CDH9: variants seen among roughly 807,000 people sequenced by gnomAD.
The protein encoded by CDH9 is cadherin-9.
In CDH9, 28 loss-of-function variants were observed where a neutral mutation model predicts 70.9. That is an observed-to-expected ratio of 0.40 (90% CI 0.29 to 0.54). The LOEUF is 0.54. Among genes scored for constraint, CDH9 ranks in the 20% least tolerant of loss-of-function variants. The probability of loss-of-function intolerance (pLI) is 0.59; values close to 1 mark genes in which losing one functional copy is unlikely to be tolerated. For missense variants in CDH9, 874 were observed against 984.4 expected, an observed-to-expected ratio of 0.89 and a Z score of 1.50; for synonymous variants, 409 against 343.1, an observed-to-expected ratio of 1.19 and a Z score of -2.12.
chr5:26,894,094 T>C (rs1045294992), intron 7 of CDH9, among the ~76,000 whole-genome samples: 3 of 152,154 alleles, frequency 2.0e-5, no homozygotes, highest in Admixed American at 6.6e-5. Context: ...CAAAAGAACA[T>C]AATTACATCT....
chr5:27,023,864 C>T (rs532783339), intron 1 of CDH9, among the ~76,000 whole-genome samples: 1 of 151,852 alleles, frequency 6.6e-6, no homozygotes, highest in Non-Finnish European at 1.5e-5. Context: ...CCAGTCTGGC[C>T]AACATGGTGA....
At chr5:26,937,984 T>C (rs761388870) in intron 2 of CDH9, among the ~76,000 whole-genome samples, 42 of 152,176 alleles carry the variant, frequency 2.8e-4, no homozygotes, top group East Asian at 5.8e-4. Context: ...TGCACTTTAG[T>C]TAATAATAAT....
intron 1 of CDH9, among the ~76,000 whole-genome samples, chr5:27,036,780 G>A (rs965340650): frequency 6.6e-5 from 10 of 151,160 alleles, no homozygotes; most frequent in Admixed American, 6.6e-4. Flanking sequence ...TCAACATGTT[G>A]GCATATATCT....
intron 2 of CDH9, among the ~76,000 whole-genome samples, chr5:26,959,300 T>C (rs903675356): frequency 2.0e-5 from 3 of 152,116 alleles, no homozygotes; most frequent in Admixed American, 6.5e-5. Context: ...CAAAACCAAA[T>C]TGAGATACCA....
intron 2 of CDH9, among the ~76,000 whole-genome samples, chr5:26,969,576 A>T (rs1453242923): frequency 6.6e-6 from 1 of 152,174 alleles, no homozygotes; most frequent in Non-Finnish European, 1.5e-5. Flanking sequence ...AAATAAAATT[A>T]TGTTTTCCTT....
intron 2 of CDH9, among the ~76,000 whole-genome samples, chr5:26,944,008 C>A (rs1322490621): frequency 1.3e-5 from 2 of 152,160 alleles, no homozygotes; most frequent in African/African-American, 2.4e-5. Context: ...TAATTCACAA[C>A]AATTGCATTC....
At chr5:27,007,879 TAA>T (rs1742893829) in intron 1 of CDH9, among the ~76,000 whole-genome samples, 1 of 152,150 alleles carries the variant, frequency 6.6e-6, no homozygotes, top group Non-Finnish European at 1.5e-5. Context: ...AGGAGGACAC[TAA>T]ATTTCAATTA....
intron 2 of CDH9, among the ~76,000 whole-genome samples, chr5:26,955,250 A>C (rs1741926555): frequency 6.6e-6 from 1 of 152,184 alleles, no homozygotes; most frequent in African/African-American, 2.4e-5. Context: ...TAAATGTAGC[A>C]ATCATGAGAA....
intron 1 of CDH9, among the ~76,000 whole-genome samples, chr5:27,016,081 A>G (rs1743041766): frequency 6.6e-6 from 1 of 151,804 alleles, no homozygotes; most frequent in Admixed American, 6.6e-5. Context: ...TAATATGAAT[A>G]ATCACTACTT....
intron 2 of CDH9, among the ~76,000 whole-genome samples, chr5:26,953,896 T>G (rs187832402): frequency 6.6e-6 from 1 of 152,238 alleles, no homozygotes; most frequent in Admixed American, 6.5e-5. Context: ...TTTTTAGAAT[T>G]ACTTGCTTAA....
intron 2 of CDH9, among the ~76,000 whole-genome samples, chr5:26,964,464 C>A (rs10462307): frequency 0.7 from 106,549 of 152,020 alleles, 40,721 homozygotes; most frequent in East Asian, 0.99. Context: ...TGTCGATTGA[C>A]TGGTAGTAGT....
chr5:27,037,712 A>G (rs1479652356), intron 1 of CDH9, among the ~76,000 whole-genome samples: 1 of 151,988 alleles, frequency 6.6e-6, no homozygotes, highest in Non-Finnish European at 1.5e-5. Context: ...TTAAATGCCA[A>G]TTTTGGCTTA....
chr5:26,915,506 A>T (rs919842320), intron 3 of CDH9, 124 bp downstream of exon 3: 2 of 608,688 alleles, frequency 3.3e-6, no homozygotes, highest in Admixed American at 5.6e-5. Context: ...TTTAAGCTAA[A>T]TAGTAGTTAA....
intron 2 of CDH9, among the ~76,000 whole-genome samples, chr5:26,917,614 T>C (rs1266066064): frequency 6.6e-6 from 1 of 152,078 alleles, no homozygotes; most frequent in East Asian, 1.9e-4. Context: ...TACACCTCCT[T>C]TGCAAGCTCA....
At chr5:26,954,027 TA>T (rs1432881944) in intron 2 of CDH9, among the ~76,000 whole-genome samples, 5 of 152,168 alleles carry the variant, frequency 3.3e-5, no homozygotes, top group African/African-American at 1.2e-4. Context: ...TCCAAAAACT[TA>T]CATGAGTTTG....
At chr5:27,025,154 T>C (rs1356326404) in intron 1 of CDH9, among the ~76,000 whole-genome samples, 2 of 147,528 alleles carry the variant, frequency 1.4e-5, no homozygotes, top group Non-Finnish European at 3.0e-5. Flanking sequence ...TTGAGAAGCA[T>C]ATTATCTGTG....
At position 27,017,911 on chromosome 5, in the gene CDH9, A is replaced by T. The variant is rs946927669; in HGVS notation, c.-50+20552T>A. Among the ~76,000 whole-genome samples the T allele has an allele frequency of 7.5e-5, 9 of 119,734 alleles. No homozygotes were observed. The East Asian group carries it at 1.4e-3, about 19-fold the overall frequency. The allele number at this position is 119,734 out of a possible 152,430, so 78.6% of individuals were successfully genotyped here. A position where few individuals can be genotyped will look rare whatever the true frequency, so the allele number is the denominator to read the frequency against. On this transcript the variant is annotated intron_variant, in intron 1 of 11. Coordinates refer to ENST00000231021, the MANE Select transcript of CDH9 (RefSeq NM_016279.4). ...GTAGTGATGTAGTACGTATTTTAGTATACATTGTTTTTTTATTTTCTCATT... is the reference window on the plus strand; with the variant it reads ...GTAGTGATGTAGTACGTATTTTAGTTTACATTGTTTTTTTATTTTCTCATT...
At chr5:26,908,997 T>G (rs1370818572) in intron 3 of CDH9, among the ~76,000 whole-genome samples, 2 of 152,206 alleles carry the variant, frequency 1.3e-5, no homozygotes, top group African/African-American at 2.4e-5. Flanking sequence ...ATTTTTGTTT[T>G]TTTTGAGATG....
rs530914088 is a variant in CDH9, at chr5:26,919,764, C to G, written c.229-3840G>C. On this transcript the variant is annotated intron_variant, in intron 2 of 11. Transcript: ENST00000231021. ...GTAGGATAGGGCAGGGTCCTGAGGC[C>G]CCCATTTCCAGACACACCCTGGGCC... 7.2e-5 allele frequency among the ~76,000 whole-genome samples: 11 copies of G among 152,128 alleles called. No individual in the cohort carries two copies. In the South Asian group the frequency reaches 2.3e-3, roughly 32 times the overall value.
Sources: gnomAD v4.1 joint callset for allele counts (sites outside exome capture counted in the v4.1 genomes callset) on GRCh38, gnomAD v4.1.1 for gene constraint, MANE v1.5 for transcripts, NCBI Gene and HGNC (gene_info 2026-07-23, HGNC 2026-07-21) for gene names.